SERPINB3: variants seen among roughly 807,000 people sequenced by gnomAD.
SERPINB3 encodes serpin B3.
A neutral mutation model predicts 33.0 loss-of-function variants in SERPINB3; 33 were observed. The observed-to-expected ratio is 1.00, with a 90% CI of 0.76 to 1.34. The LOEUF is 1.34. Among genes scored for constraint, SERPINB3 ranks in the 40% most tolerant of loss-of-function variants. The pLI is 0.00. For synonymous variants in SERPINB3, 200 were observed against 170.9 expected (o/e 1.17, Z -1.33); for missense variants, 518 against 461.5 (o/e 1.12, Z -1.12).
intron 5 of SERPINB3, 25 bp from the exon 6 acceptor site, chr18:63,657,437 C>A (rs1452463436): frequency 1.9e-6 from 3 of 1,555,962 alleles, no homozygotes; most frequent in East Asian, 2.3e-5. Flanking sequence ...ATAAAAGAGT[C>A]TTTTACACAA....
Position 63,655,541 on chromosome 18 carries a change from A to G in SERPINB3, c.*116T>C. 8.8e-7 allele frequency: 1 copy of G among 1,141,962 alleles called. No homozygotes were observed. Among genetic ancestry groups the G allele is most frequent in the Non-Finnish European group, 1.2e-6 (1 of 806,438 alleles). The allele number at this position is 1,141,962 out of a possible 1,614,324, so 70.7% of individuals were successfully genotyped here. A position where few individuals can be genotyped will look rare whatever the true frequency, so the allele number is the denominator to read the frequency against. On this transcript the variant is annotated 3_prime_UTR_variant, in exon 8 of 8. Transcript: ENST00000283752. ...TAAATTCTTGATGATGACGATCATC[A>G]TCAAGATGAGAAAGAAAAGAAATAT...
chr18:63,659,403 A>G lies in SERPINB3; in HGVS notation c.347T>C (p.Leu116Ser), dbSNP rs750049520. 1 of 1,613,276 alleles carries G rather than the reference A, an allele frequency of 6.2e-7. No individual in the cohort carries two copies. The highest frequency in any genetic ancestry group is 8.5e-7 in the Non-Finnish European group (1 of 1,179,438). The change falls in exon 4 of 8, where the codon TTA becomes TCA. Residue 116 changes from leucine (L) to serine (S), a missense_variant. Physicochemically the swap from Leu to Ser is moderately radical, Grantham distance 145 (BLOSUM62 -2). Transcript: ENST00000283752. Reference sequence around the variant, plus strand: ...GGGTAGGCCAGGTGAAATTACCTGTAAAAATAGATACGTTTTTTCTCCGAA... The same window carrying G: ...GGGTAGGCCAGGTGAAATTACCTGTGAAAATAGATACGTTTTTTCTCCGAA... ...KLFGEKTYLF[L>S]QEYLDAIKKF... is the part of the protein sequence containing the mutation.
Position 63,657,387 on chromosome 18 carries a change from T to C in SERPINB3, c.495A>G (p.Glu165=). The C allele has an allele frequency of 6.2e-7, 1 of 1,607,822 alleles. No individual in the cohort carries two copies. Among genetic ancestry groups the C allele is most frequent in the Non-Finnish European group, 8.5e-7 (1 of 1,176,720 alleles). ...ATGTGGTATTGCTGCCAATATTACCTTCAGGAATTAGGTTTTTAATTTTTT... is the reference window on the plus strand; with the variant it reads ...ATGTGGTATTGCTGCCAATATTACCCTCAGGAATTAGGTTTTTAATTTTTT... ...TNEKIKNLIP[E]GNIGSNTTLV... is the part of the protein sequence containing the mutation. Residue 165 remains glutamate (E), a synonymous_variant, in exon 6 of 8, where the codon GAA becomes GAG. Coordinates refer to ENST00000283752, the MANE Select transcript of SERPINB3 (RefSeq NM_006919.3).
intron 7 of SERPINB3, 120 bp downstream of exon 7, chr18:63,656,711 C>T: frequency 4.1e-6 from 5 of 1,215,264 alleles, no homozygotes; most frequent in Non-Finnish European, 4.5e-6. Flanking sequence ...CATCATTCCT[C>T]ATTTAGAATT....
At chr18:63,658,672 T>C in intron 4 of SERPINB3, 42 bp from the exon 5 acceptor site, 1 of 1,435,544 alleles carries the variant, frequency 7.0e-7, no homozygotes, top group Non-Finnish European at 9.8e-7. Context: ...AAGAGTAATT[T>C]ATGTAACTAT....
chr18:63,659,974 G>A (rs1468247330), intron 3 of SERPINB3, among the ~76,000 whole-genome samples: 1 of 152,150 alleles, frequency 6.6e-6, no homozygotes, highest in Non-Finnish European at 1.5e-5. Context: ...TATCTTGTAG[G>A]ACACATTGAC....
In SERPINB3 at chr18:63,655,685, A is replaced by T; in HGVS notation, c.1145T>A (p.Leu382His). The change falls in exon 8 of 8, where the codon CTC (leucine) becomes CAC (histidine). Residue 382 changes from leucine (L) to histidine (H), a missense_variant. Leu to His is a moderately conservative substitution (Grantham distance 99). Transcript: ENST00000283752. ...FIRQNKTNSI[L>H]FYGRFSSP Reference sequence around the variant, plus strand: ...CGGGGATGAGAATCTGCCATAGAAGAGGATGCTGTTGGTCTTATTTTGCCT... The same window carrying T: ...CGGGGATGAGAATCTGCCATAGAAGTGGATGCTGTTGGTCTTATTTTGCCT... 8.1e-6 allele frequency: 13 copies of T among 1,612,752 alleles called. No homozygotes were observed. The highest frequency in any genetic ancestry group is 1.1e-5 in the Non-Finnish European group (13 of 1,179,140).
chr18:63,655,416 T>C lies in SERPINB3; in HGVS notation c.*241A>G, dbSNP rs1047260. The C allele has an allele frequency of 0.022, 9,881 of 459,028 alleles. 743 individuals are homozygous for C. Among genetic ancestry groups the C allele is most frequent in the African/African-American group, 0.16 (8,313 of 51,356 alleles). The allele number at this position is 459,028 out of a possible 1,614,324, so 28.4% of individuals were successfully genotyped here. On this transcript the variant is annotated 3_prime_UTR_variant, in exon 8 of 8. Transcript: ENST00000283752. ...TACGGTATTAAGTGATTCATCTTATTTTGGACATTTTTCCTCAAGGAGAAT... is the reference window on the plus strand; with the variant it reads ...TACGGTATTAAGTGATTCATCTTATCTTGGACATTTTTCCTCAAGGAGAAT...
At position 63,661,012 on chromosome 18, in the gene SERPINB3, A is replaced by G; in HGVS notation, c.165+40T>C. ...TGCGTGCTAGCCGACGGAACCAGAGAAAAACTGCAACAGGACAACATAATG... is the reference window on the plus strand; with the variant it reads ...TGCGTGCTAGCCGACGGAACCAGAGGAAAACTGCAACAGGACAACATAATG... On this transcript the variant is annotated intron_variant, in intron 2 of 7. Coordinates refer to ENST00000283752, the MANE Select transcript of SERPINB3 (RefSeq NM_006919.3). The G allele has an allele frequency of 2.5e-6, 4 of 1,612,066 alleles. No individual in the cohort carries two copies. The East Asian group carries it at 8.9e-5, about 36-fold the overall frequency.
rs13381743 is a variant in SERPINB3 at position 63,657,151 on chromosome 18, C to G, written c.612+119G>C. The stretch of plus-strand genomic sequence containing the variant: ...TTCCTAACTAAATAAAGTTATAAGA[C>G]TAAAACAACAAAAAAACAGACATGA... On this transcript the variant is annotated intron_variant, in intron 6 of 7. Coordinates refer to ENST00000283752, the MANE Select transcript of SERPINB3 (RefSeq NM_006919.3). 12,515 of 897,142 alleles carry G rather than the reference C, an allele frequency of 0.014. 920 individuals are homozygous for G. In the African/African-American group the frequency reaches 0.17, roughly 12 times the overall value. The allele number at this position is 897,142 out of a possible 1,614,324, so 55.6% of individuals were successfully genotyped here.
At chr18:63,656,371 T>C (rs765678468) in intron 7 of SERPINB3, among the ~76,000 whole-genome samples, 7 of 152,328 alleles carry the variant, frequency 4.6e-5, no homozygotes, top group African/African-American at 4.8e-5. Context: ...CAATGAACTA[T>C]ATATATCACT....
At position 63,656,034 on chromosome 18, in the gene SERPINB3, A is replaced by G. The variant is rs755242648; in HGVS notation, c.796T>C (p.Leu266=). The G allele has an allele frequency of 6.2e-7, 1 of 1,613,672 alleles. No homozygotes were observed. Among genetic ancestry groups the G allele is most frequent in the Non-Finnish European group, 8.5e-7 (1 of 1,179,770 alleles). The part of the protein sequence containing the change: ...KLEEKLTAEK[L]MEWTSLQNMR... ...TTCTGCAAACTTGTCCATTCCATCA[A>G]TTTCTCAGCAGTGAGTTTCTCTTCA... Residue 266 remains leucine, a synonymous_variant, in exon 8 of 8, where the codon TTG becomes CTG. Coordinates refer to ENST00000283752, the MANE Select transcript of SERPINB3 (RefSeq NM_006919.3).
chr18:63,660,564 T>C (rs536137848), intron 3 of SERPINB3, among the ~76,000 whole-genome samples: 119 of 152,276 alleles, frequency 7.8e-4, no homozygotes, highest in African/African-American at 2.6e-3. Flanking sequence ...AGTCTGAACC[T>C]AGCCTATCCT....
intron 5 of SERPINB3, among the ~76,000 whole-genome samples, chr18:63,657,997 G>T (rs1334746701): frequency 1.3e-5 from 2 of 151,836 alleles, no homozygotes; most frequent in African/African-American, 4.8e-5. Flanking sequence ...TGGAGAATTT[G>T]TTAAGCTCTT....
Position 63,659,487 on chromosome 18 carries a change from A to G in SERPINB3, c.263T>C (p.Leu88Pro), listed in dbSNP as rs758787549. The change falls in exon 4 of 8, where the codon CTT becomes CCT. Residue 88 changes from leucine (L) to proline (P), a missense_variant. Coordinates refer to ENST00000283752, the MANE Select transcript of SERPINB3 (RefSeq NM_006919.3). ...SGNVHHQFQK[L>P]LTEFNKSTDA... Reference sequence around the variant, plus strand: ...AGTGGATTTGTTGAATTCAGTCAGAAGCTTTTGAAACTGGTGATGAACATT... The same window carrying G: ...AGTGGATTTGTTGAATTCAGTCAGAGGCTTTTGAAACTGGTGATGAACATT... The G allele has an allele frequency of 8.7e-6, 14 of 1,613,650 alleles. No homozygotes were observed. Among genetic ancestry groups the G allele is most frequent in the Non-Finnish European group, 1.1e-5 (13 of 1,179,686 alleles).
chr18:63,658,517 C>T lies in SERPINB3; in HGVS notation c.465G>A (p.Thr155=), dbSNP rs868635277. ...KKINSWVESQ[T]NEKIKNLIPE... is the part of the protein sequence containing the mutation. Reference sequence around the variant, plus strand: ...TATAATGGGTGGCTCTCCTACCATTCGTTTGACTTTCCACCCAGGAGTTAA... The same window carrying T: ...TATAATGGGTGGCTCTCCTACCATTTGTTTGACTTTCCACCCAGGAGTTAA... Residue 155 remains threonine, a synonymous_variant, in exon 5 of 8, where the codon ACG becomes ACA. Transcript: ENST00000283752. 9 of 1,611,318 alleles carry T rather than the reference C, an allele frequency of 5.6e-6. No homozygotes were observed. The highest frequency in any genetic ancestry group is 1.1e-5 in the South Asian group (1 of 90,986).
chr18:63,659,414 C>T lies in SERPINB3; in HGVS notation c.336G>A (p.Thr112=), dbSNP rs1451314201. ...GTGAAATTACCTGTAAAAATAGATA[C>T]GTTTTTTCTCCGAAGAGCTTGTTGG... is the stretch of plus-strand genomic sequence containing the variant. ...KIANKLFGEK[T]YLFLQEYLDA... The change falls in exon 4 of 8, where the codon ACG becomes ACA. Residue 112 remains threonine, a synonymous_variant. Transcript: ENST00000283752. 19 of 1,613,380 alleles carry T rather than the reference C, an allele frequency of 1.2e-5. No homozygotes were observed. Among genetic ancestry groups the T allele is most frequent in the South Asian group, 5.5e-5 (5 of 91,060 alleles).
intron 4 of SERPINB3, 141 bp from the exon 5 acceptor site, chr18:63,658,771 T>A: frequency 3.0e-6 from 2 of 675,874 alleles, no homozygotes; most frequent in Non-Finnish European, 4.9e-6. Context: ...CATATTTTTA[T>A]ACTGGTGCCA....
chr18:63,661,480 G>A (rs984404102), intron 1 of SERPINB3, among the ~76,000 whole-genome samples: 1 of 152,034 alleles, frequency 6.6e-6, no homozygotes, highest in African/African-American at 2.4e-5. Flanking sequence ...ATAAGTAATA[G>A]ACCCTCTTTC....
Sources: gnomAD v4.1 joint callset for allele counts (sites outside exome capture counted in the v4.1 genomes callset) on GRCh38, gnomAD v4.1.1 for gene constraint, MANE v1.5 for transcripts, NCBI Gene and HGNC (gene_info 2026-07-23, HGNC 2026-07-21) for gene names.